The following PSMD5 variants were observed in gnomAD, a reference collection of about 807,000 sequenced individuals.
PSMD5 encodes the protein 26S proteasome non-ATPase regulatory subunit 5.
Under a neutral mutation model 52.1 loss-of-function variants are expected in PSMD5, and 40 were observed. The ratio of observed to expected loss-of-function variants is 0.77; its 90% CI spans 0.60 to 1.00. The LOEUF is 1.00. Among genes scored for constraint, PSMD5 ranks in the 50% least tolerant of loss-of-function variants. The pLI is 0.00. For missense variants in PSMD5, 575 were observed against 605.2 expected (o/e 0.95, Z 0.52); for synonymous variants, 211 against 226.6 (o/e 0.93, Z 0.62).
chr9:120,819,836 A>G (rs76052361), intron 9 of PSMD5, among the ~76,000 whole-genome samples: 2 of 144,138 alleles, frequency 1.4e-5, no homozygotes, highest in African/African-American at 5.5e-5. Flanking sequence ...ACTCTGTCTC[A>G]AAAAAAAAAA....
chr9:120,830,212 T>C (rs116594794), intron 4 of PSMD5, among the ~76,000 whole-genome samples: 3,826 of 152,272 alleles, frequency 0.025, 179 homozygotes, highest in African/African-American at 0.085. Context: ...AAGCAGACTG[T>C]GAGACACAGC....
At chr9:120,827,993 C>T (rs1253379955) in intron 5 of PSMD5, among the ~76,000 whole-genome samples, 1 of 152,120 alleles carries the variant, frequency 6.6e-6, no homozygotes, top group Non-Finnish European at 1.5e-5. Context: ...TTAATTCTTA[C>T]AATATCTTTT....
rs1336683383 is a variant in PSMD5, at chr9:120,842,906, C to T, written c.4G>A (p.Ala2Thr). Reference protein sequence around the residue: MAAQALALLREV... With the variant: MTAQALALLREV... ...CTCAGCAGCGCCAAAGCCTGGGCTG[C>T]CATCTTGCCCCCCGACGCAGGGGCT... The change falls in exon 1 of 10, where the codon GCA (alanine) becomes ACA (threonine). Residue 2 changes from alanine to threonine, a missense_variant. Physicochemically the swap from Ala to Thr is moderately conservative, Grantham distance 58. Transcript: ENST00000210313. 1.3e-6 allele frequency: 2 copies of T among 1,580,482 alleles called. No individual in the cohort carries two copies. Among genetic ancestry groups the T allele is most frequent in the Non-Finnish European group, 8.6e-7 (1 of 1,169,274 alleles).
At chr9:120,818,532 T>C (rs1375867701) in intron 9 of PSMD5, among the ~76,000 whole-genome samples, 2 of 152,054 alleles carry the variant, frequency 1.3e-5, no homozygotes, top group Admixed American at 6.6e-5. Context: ...CAATGCATGA[T>C]TACAACAGTG....
At chr9:120,831,777 CTT>C in intron 3 of PSMD5, 53 bp downstream of exon 3, 1 of 1,565,618 alleles carries the variant, frequency 6.4e-7, no homozygotes, top group East Asian at 2.3e-5. Context: ...CTTTCTTTAT[CTT>C]TTGGGACACC....
In PSMD5 at chr9:120,826,748, G is replaced by T. The variant is rs1316721337; in HGVS notation, c.814+17C>A. 1.2e-6 allele frequency: 2 copies of T among 1,610,642 alleles called. No homozygotes were observed. Among genetic ancestry groups the T allele is most frequent in the South Asian group, 2.2e-5 (2 of 90,838 alleles). On this transcript the variant is annotated intron_variant, in intron 6 of 9. Coordinates refer to ENST00000210313, the MANE Select transcript of PSMD5 (RefSeq NM_005047.4). Reference sequence around the variant, plus strand: ...AAAACACGCACCATCATTTCCATAGGCATCAGTGTTCCTTACCTGGCAGAT... The same window carrying T: ...AAAACACGCACCATCATTTCCATAGTCATCAGTGTTCCTTACCTGGCAGAT...
intron 7 of PSMD5, chr9:120,824,256 C>A: frequency 1.9e-6 from 1 of 523,464 alleles, no homozygotes; most frequent in East Asian, 3.4e-5. Flanking sequence ...TGGTTGAAAT[C>A]GATTGGTAGA....
chr9:120,825,874 T>A lies in PSMD5; in HGVS notation c.814+891A>T, dbSNP rs553511804. ...ACATCACTTGCAAACAGGGAAATTT[T>A]CACTTCTTTCTTTCCGATTTGGATG... On this transcript the variant is annotated intron_variant, in intron 6 of 9. Transcript: ENST00000210313. Among the ~76,000 whole-genome samples the A allele has an allele frequency of 9.3e-4, 141 of 152,280 alleles. 3 individuals carry two copies. Among genetic ancestry groups the A allele is most frequent in the African/African-American group, 3.2e-3 (131 of 41,568 alleles).
At chr9:120,834,835 G>A (rs1347164910) in intron 1 of PSMD5, among the ~76,000 whole-genome samples, 7 of 152,212 alleles carry the variant, frequency 4.6e-5, no homozygotes, top group Admixed American at 4.6e-4. Context: ...AATGGTGAGA[G>A]GTGATGAAGG....
At position 120,829,197 on chromosome 9, in the gene PSMD5, C is replaced by T. The variant is rs1245610542; in HGVS notation, c.573G>A (p.Glu191=). The part of the protein sequence containing the change: ...VRYRVYELII[E]ISSVSPESLN... ...AAGATTCTGGTGACACGGAAGAAAT[C>T]TCTATAATTAGCTGAAATAAAAAAA... The change falls in exon 5 of 10, where the codon GAG becomes GAA. Residue 191 remains glutamate, a synonymous_variant. Transcript: ENST00000210313. The T allele has an allele frequency of 6.3e-7, 1 of 1,587,528 alleles. No individual in the cohort carries two copies. Among genetic ancestry groups the T allele is most frequent in the South Asian group, 1.2e-5 (1 of 85,974 alleles).
At chr9:120,825,499 T>C (rs1235985649) in intron 6 of PSMD5, among the ~76,000 whole-genome samples, 9 of 152,206 alleles carry the variant, frequency 5.9e-5, no homozygotes, top group Admixed American at 5.9e-4. Flanking sequence ...TGAATCTATA[T>C]AGTGCTTTGG....
intron 1 of PSMD5, among the ~76,000 whole-genome samples, chr9:120,835,005 T>C (rs2045188741): frequency 6.6e-6 from 1 of 152,252 alleles, no homozygotes; most frequent in African/African-American, 2.4e-5. Context: ...TTGTTAGTAG[T>C]AGTACACAAT....
chr9:120,834,281 G>A (rs1050644587), intron 1 of PSMD5, among the ~76,000 whole-genome samples: 5 of 151,818 alleles, frequency 3.3e-5, no homozygotes, highest in African/African-American at 9.7e-5. Context: ...TGCCTGGCCC[G>A]ATATATTCTC....
chr9:120,817,770 G>T lies in PSMD5; in HGVS notation c.*136C>A. 9.8e-7 allele frequency: 1 copy of T among 1,016,766 alleles called. No individual in the cohort carries two copies. Among genetic ancestry groups the T allele is most frequent in the Non-Finnish European group, 1.4e-6 (1 of 698,350 alleles). 63.0% of individuals were successfully genotyped at this position (1,016,766 alleles called of 1,614,324 possible). On this transcript the variant is annotated 3_prime_UTR_variant, in exon 10 of 10. Transcript: ENST00000210313. Reference sequence around the variant, plus strand: ...TTCAATGTAGAAATATAACAGTGTTGGTAACAAAGTAACATCTGACATTCC... The same window carrying T: ...TTCAATGTAGAAATATAACAGTGTTTGTAACAAAGTAACATCTGACATTCC...
rs374398274 is a variant in PSMD5, at chr9:120,824,652, A to G, written c.848T>C (p.Met283Thr). The G allele has an allele frequency of 2.4e-5, 38 of 1,599,998 alleles. No homozygotes were observed. Among genetic ancestry groups the G allele is most frequent in the Non-Finnish European group, 3.1e-5 (36 of 1,176,004 alleles). Residue 283 changes from methionine (M) to threonine (T), a missense_variant, in exon 7 of 10, where the codon ATG (methionine) becomes ACG (threonine). Transcript: ENST00000210313. ...FVKFFGNLAVMDSPQQICERY... is the reference protein window; with the variant it reads ...FVKFFGNLAVTDSPQQICERY... Reference sequence around the variant, plus strand: ...CTCACAGATCTGTTGAGGACTATCCATGACAGCCAGGTTTCCAAAAAACTT... The same window carrying G: ...CTCACAGATCTGTTGAGGACTATCCGTGACAGCCAGGTTTCCAAAAAACTT...
At chr9:120,820,239 G>A (rs541047517) in intron 9 of PSMD5, among the ~76,000 whole-genome samples, 2 of 151,890 alleles carry the variant, frequency 1.3e-5, no homozygotes, top group Non-Finnish European at 3.0e-5. Flanking sequence ...ATGAAAGGAA[G>A]GTCTTTATAT....
intron 2 of PSMD5, among the ~76,000 whole-genome samples, chr9:120,833,000 T>A (rs747817414): frequency 7.9e-5 from 12 of 152,236 alleles, no homozygotes; most frequent in Non-Finnish European, 1.6e-4. Context: ...GTTTTGTTTA[T>A]CTTGGTAACT....
Position 120,842,797 on chromosome 9 carries a change from C to A in PSMD5, c.113G>T (p.Arg38Leu). 2 of 1,612,716 alleles carry A rather than the reference C, an allele frequency of 1.2e-6. No individual in the cohort carries two copies. The highest frequency in any genetic ancestry group is 1.7e-6 in the Non-Finnish European group (2 of 1,179,942). ...VLQAVPLNELRQQAAELRLGP... is the reference protein window; with the variant it reads ...VLQAVPLNELLQQAAELRLGP... ...GAGGCGCAGCTCCGCCGCTTGCTGG[C>A]GAAGCTCGTTGAGCGGCACTGCCTG... The change falls in exon 1 of 10, where the codon CGC becomes CTC. Residue 38 changes from arginine to leucine, a missense_variant. Physicochemically the swap from Arg to Leu is moderately radical, Grantham distance 102. Coordinates refer to ENST00000210313, the MANE Select transcript of PSMD5 (RefSeq NM_005047.4).
At chr9:120,824,454 A>G in intron 7 of PSMD5, 40 bp downstream of exon 7, 1 of 1,597,032 alleles carries the variant, frequency 6.3e-7, no homozygotes, top group African/African-American at 1.3e-5. Context: ...ACCCCTGTCA[A>G]AGATTAAGAT....
Sources: allele counts gnomAD v4.1 joint callset (sites outside exome capture counted in the v4.1 genomes callset), GRCh38; gene constraint gnomAD v4.1.1; transcripts MANE v1.5; gene names NCBI Gene and HGNC (gene_info 2026-07-23, HGNC 2026-07-21).